BEST2: variants seen among roughly 807,000 people sequenced by gnomAD.
BEST2 encodes bestrophin 2.
Under a neutral mutation model 49.0 loss-of-function variants are expected in BEST2, and 36 were observed. The observed-to-expected ratio is 0.73, with a 90% CI of 0.56 to 0.97. The LOEUF (loss-of-function observed/expected upper bound fraction) is 0.97, where lower values mean the gene tolerates loss of function less well. Among genes scored for constraint, BEST2 ranks in the 50% least tolerant of loss-of-function variants. BEST2 has a pLI of 0.00. For synonymous variants in BEST2, 335 were observed against 304.4 expected (o/e 1.10, Z -1.05); for missense variants, 672 against 710.0 (o/e 0.95, Z 0.61).
intron 9 of BEST2, among the ~76,000 whole-genome samples, chr19:12,757,265 T>C (rs1353573500): frequency 6.7e-6 from 1 of 150,188 alleles, no homozygotes; most frequent in Non-Finnish European, 1.5e-5. Context: ...ATACAAAAAT[T>C]AGCCGGTGTG....
intron 9 of BEST2, 82 bp from the exon 10 acceptor site, chr19:12,757,569 G>C: frequency 3.5e-6 from 5 of 1,428,910 alleles, no homozygotes; most frequent in Non-Finnish European, 4.7e-6. Context: ...GGTGGGTGGA[G>C]TCAGGGAAAT....
chr19:12,754,435 C>A, intron 3 of BEST2, 117 bp from the exon 4 acceptor site: 1 of 895,822 alleles, frequency 1.1e-6, no homozygotes, highest in Non-Finnish European at 1.6e-6. Context: ...TCAGGTTGGC[C>A]AGCACGCTCG....
chr19:12,755,183 C>T lies in BEST2; in HGVS notation c.636+152C>T. 8.7e-7 allele frequency: 1 copy of T among 1,153,084 alleles called. No individual in the cohort carries two copies. The highest frequency in any genetic ancestry group is 1.2e-6 in the Non-Finnish European group (1 of 825,968). 71.4% of individuals were successfully genotyped at this position (1,153,084 alleles called of 1,614,324 possible). A position where few individuals can be genotyped will look rare whatever the true frequency, so the allele number is the denominator to read the frequency against. On this transcript the variant is annotated intron_variant, in intron 5 of 9. Coordinates refer to ENST00000553030, the MANE Select transcript of BEST2 (RefSeq NM_017682.3). The surrounding 1 kb of genome is among the most constrained non-coding windows in gnomAD (Gnocchi z 4.4). ...TACCTCCATGGGGCTGATTCCAATG[C>T]CCTTGAGGGGCAGCTCCTGGGTGCA...
rs1462868802 is a variant in BEST2, at chr19:12,758,123, A to C, written c.*46A>C. On this transcript the variant is annotated 3_prime_UTR_variant, in exon 10 of 10. Transcript: ENST00000553030. ...TAAGGACAGGGAACCAGGTCCCTGCACGGCACCCACGCAGGTGTCCCGGTC... is the reference window on the plus strand; with the variant it reads ...TAAGGACAGGGAACCAGGTCCCTGCCCGGCACCCACGCAGGTGTCCCGGTC... 2 of 1,586,454 alleles carry C rather than the reference A, an allele frequency of 1.3e-6. No individual in the cohort carries two copies. Among genetic ancestry groups the C allele is most frequent in the Non-Finnish European group, 1.7e-6 (2 of 1,165,826 alleles).
In BEST2 at chr19:12,755,168, G is replaced by C. The variant is rs1967925211; in HGVS notation, c.636+137G>C. On this transcript the variant is annotated intron_variant, in intron 5 of 9. Coordinates refer to ENST00000553030, the MANE Select transcript of BEST2 (RefSeq NM_017682.3). This position sits in a 1 kb window ranked among gnomAD's most constrained non-coding sequence, Gnocchi z 4.4. Reference sequence around the variant, plus strand: ...CACCAGGTGCACTCTTACCTCCATGGGGCTGATTCCAATGCCCTTGAGGGG... The same window carrying C: ...CACCAGGTGCACTCTTACCTCCATGCGGCTGATTCCAATGCCCTTGAGGGG... The C allele has an allele frequency of 8.2e-7, 1 of 1,214,974 alleles. No individual in the cohort carries two copies. The highest frequency in any genetic ancestry group is 1.5e-5 in the African/African-American group (1 of 65,240). The allele number at this position is 1,214,974 out of a possible 1,614,324, so 75.3% of individuals were successfully genotyped here.
At position 12,754,534 on chromosome 19, in the gene BEST2, T is replaced by A; in HGVS notation, c.248-18T>A. 1.4e-6 allele frequency: 2 copies of A among 1,454,840 alleles called. No homozygotes were observed. Among genetic ancestry groups the A allele is most frequent in the Non-Finnish European group, 1.8e-6 (2 of 1,088,500 alleles). 90.1% of individuals were successfully genotyped at this position (1,454,840 alleles called of 1,614,324 possible). On this transcript the variant is annotated intron_variant, in intron 3 of 9. Coordinates refer to ENST00000553030, the MANE Select transcript of BEST2 (RefSeq NM_017682.3). Reference sequence around the variant, plus strand: ...CCCTGGTGTCCCCACTGAGCCCCCATTCCCCGCTCCCCTGCAGGCTTTTAT... The same window carrying A: ...CCCTGGTGTCCCCACTGAGCCCCCAATCCCCGCTCCCCTGCAGGCTTTTAT...
chr19:12,755,117 C>T lies in BEST2; in HGVS notation c.636+86C>T. The T allele has an allele frequency of 6.8e-7, 1 of 1,460,284 alleles. No homozygotes were observed. The highest frequency in any genetic ancestry group is 9.1e-7 in the Non-Finnish European group (1 of 1,097,012). The allele number at this position is 1,460,284 out of a possible 1,614,324, so 90.5% of individuals were successfully genotyped here. A position where few individuals can be genotyped will look rare whatever the true frequency, so the allele number is the denominator to read the frequency against. ...TGTCAACGGCGGCCCTCCAAGCACC[C>T]CCACGAGGCCGATTTCAAACACCCT... On this transcript the variant is annotated intron_variant, in intron 5 of 9. Transcript: ENST00000553030. The surrounding 1 kb of genome is among the most constrained non-coding windows in gnomAD (Gnocchi z 4.4).
At position 12,754,902 on chromosome 19, in the gene BEST2, G is replaced by A. The variant is rs930840027; in HGVS notation, c.507G>A (p.Lys169=). 1 of 1,613,550 alleles carries A rather than the reference G, an allele frequency of 6.2e-7. No homozygotes were observed. The highest frequency in any genetic ancestry group is 8.5e-7 in the Non-Finnish European group (1 of 1,179,778). Residue 169 remains lysine (K), a synonymous_variant, in exon 5 of 10, where the codon AAG becomes AAA. Coordinates refer to ENST00000553030, the MANE Select transcript of BEST2 (RefSeq NM_017682.3). The part of the protein sequence containing the change: ...EAGFMTREER[K]KFENLNSSYN... ...GGTTTATGACCCGCGAGGAGCGCAA[G>A]AAGTTTGAAAACCTGAACTCATCCT...
chr19:12,754,821 C>T, intron 4 of BEST2, 36 bp downstream of exon 4: 1 of 1,584,980 alleles, frequency 6.3e-7, no homozygotes, highest in Non-Finnish European at 8.6e-7. Context: ...AGAGACCGGG[C>T]AAGGACCAGG....
In BEST2 at chr19:12,757,973, G is replaced by T; in HGVS notation, c.1426G>T (p.Gly476Trp). Residue 476 changes from glycine (G) to tryptophan (W), a missense_variant, in exon 10 of 10, where the codon GGG becomes TGG. Physicochemically the swap from Gly to Trp is radical, Grantham distance 184. Around this residue, in one of 3 missense-constraint regions of BEST2, gnomAD observed 291 missense variants for 279.8 expected, o/e 1.04. Transcript: ENST00000553030. ...TCCCGAACCGCTTACCCTCATCCCT[G>T]GGCCTGTCGAGCCCTTCAGCATCGT... The part of the protein sequence containing the change: ...AGPEPLTLIP[G>W]PVEPFSIVTM... 6.2e-7 allele frequency: 1 copy of T among 1,609,858 alleles called. No individual in the cohort carries two copies.
chr19:12,756,227 C>T lies in BEST2; in HGVS notation c.1035C>T (p.Ala345=). 3.1e-6 allele frequency: 5 copies of T among 1,614,208 alleles called. 1 individual carries two copies. The Middle Eastern group carries it at 6.6e-4, about 213-fold the overall frequency. Residue 345 remains alanine (A), a synonymous_variant, in exon 9 of 10, where the codon GCC becomes GCT. Coordinates refer to ENST00000553030, the MANE Select transcript of BEST2 (RefSeq NM_017682.3). Reference sequence around the variant, plus strand: ...ACTGGGATGCAGCCGAGGCTCGCGCCCCATACACAGCGGCTACTGTCTTCC... The same window carrying T: ...ACTGGGATGCAGCCGAGGCTCGCGCTCCATACACAGCGGCTACTGTCTTCC... ...DLYWDAAEAR[A]PYTAATVFQL...
chr19:12,756,296 G>A lies in BEST2; in HGVS notation c.1103+1G>A, dbSNP rs768745927. The A allele has an allele frequency of 9.3e-6, 15 of 1,612,658 alleles. No homozygotes were observed. Among genetic ancestry groups the A allele is most frequent in the East Asian group, 2.2e-5 (1 of 44,888 alleles). On this transcript the variant is annotated splice_donor_variant, in intron 9 of 9. Transcript: ENST00000553030. LOFTEE classifies it high-confidence loss of function. Reference sequence around the variant, plus strand: ...TCCAGGGCTCCACCTTTGACATCACGTGAGCCAGTTGGGTGGGCAGGGCCG... The same window carrying A: ...TCCAGGGCTCCACCTTTGACATCACATGAGCCAGTTGGGTGGGCAGGGCCG...
At chr19:12,756,386 T>C (rs1347774908) in intron 9 of BEST2, 91 bp downstream of exon 9, 1 of 1,494,432 alleles carries the variant, frequency 6.7e-7, no homozygotes, top group East Asian at 2.3e-5. Context: ...GAATCAATTC[T>C]GGAGATGGGG....
At position 12,757,854 on chromosome 19, in the gene BEST2, CG is replaced by C; in HGVS notation, c.1309del (p.Val437LeufsTer48). ...TCTACTGGGGCCAGCTGCTCATGCG[CG>C]GTTGTCCCCGAAGGCGCGGCCCCGG... Reference protein sequence around the residue: ...EASTGASCSCAVVPEGAAPEC... With the variant: ...EASTGASCSCXVVPEGAAPEC... On this transcript the variant is annotated frameshift_variant, in exon 10 of 10. Transcript: ENST00000553030. LOFTEE classifies it low-confidence loss of function (END_TRUNC). 6.5e-7 allele frequency: 1 copy of C among 1,549,176 alleles called. No homozygotes were observed. Among genetic ancestry groups the C allele is most frequent in the Non-Finnish European group, 8.7e-7 (1 of 1,146,788 alleles).
rs1271383213 is a variant in BEST2, at chr19:12,756,284, C to G, written c.1092C>G (p.Thr364=). 1.1e-5 allele frequency: 18 copies of G among 1,613,118 alleles called. No homozygotes were observed. Among genetic ancestry groups the G allele is most frequent in the Non-Finnish European group, 1.4e-5 (16 of 1,180,032 alleles). Residue 364 remains threonine, a synonymous_variant, in exon 9 of 10, where the codon ACC becomes ACG. Transcript: ENST00000553030. ...QLRQPSFQGS[T]FDITLAKEDM... ...GGCAGCCTTCCTTCCAGGGCTCCACCTTTGACATCACGTGAGCCAGTTGGG... is the reference window on the plus strand; with the variant it reads ...GGCAGCCTTCCTTCCAGGGCTCCACGTTTGACATCACGTGAGCCAGTTGGG...
Position 12,755,663 on chromosome 19 carries a change from C to A in BEST2, c.763C>A (p.Arg255Ser). Residue 255 changes from arginine to serine, a missense_variant, in exon 7 of 10, where the codon CGC becomes AGC. Coordinates refer to ENST00000553030, the MANE Select transcript of BEST2 (RefSeq NM_017682.3). This position sits in a 1 kb window ranked among gnomAD's most constrained non-coding sequence, Gnocchi z 4.4. ...CTACTTCCTGGCTTGCCTCATTGGT[C>A]GCCAGTTCCTGGACCCGGCTCAGGG... is the stretch of plus-strand genomic sequence containing the variant. ...YSYFLACLIG[R>S]QFLDPAQGYK... 1.2e-6 allele frequency: 2 copies of A among 1,614,044 alleles called. No homozygotes were observed. The highest frequency in any genetic ancestry group is 2.2e-5 in the South Asian group (2 of 91,076).
Position 12,754,651 on chromosome 19 carries a change from G to T in BEST2, c.347G>T (p.Gly116Val). The change falls in exon 4 of 10, where the codon GGA becomes GTA. Residue 116 changes from glycine to valine, a missense_variant. By Grantham distance (109) the Gly-to-Val change is moderately radical (BLOSUM62 -3). Around this residue, in one of 3 missense-constraint regions of BEST2, gnomAD observed 365 missense variants for 390.9 expected, o/e 0.93. Coordinates refer to ENST00000553030, the MANE Select transcript of BEST2 (RefSeq NM_017682.3). ...LMCVVAGTVH[G>V]RDDRGRLYRR... Reference sequence around the variant, plus strand: ...TGCGTGGTGGCGGGCACCGTGCACGGACGCGACGACCGCGGCCGCCTCTAC... The same window carrying T: ...TGCGTGGTGGCGGGCACCGTGCACGTACGCGACGACCGCGGCCGCCTCTAC... 6.4e-7 allele frequency: 1 copy of T among 1,560,040 alleles called. No homozygotes were observed. Among genetic ancestry groups the T allele is most frequent in the Non-Finnish European group, 8.7e-7 (1 of 1,151,676 alleles).
At chr19:12,756,778 C>G (rs574867719) in intron 9 of BEST2, 1 of 174,458 alleles carries the variant, frequency 5.7e-6, no homozygotes, top group Admixed American at 5.5e-5. Context: ...TCGAGGAGTT[C>G]GAGGCTGCAG....
In BEST2 at chr19:12,757,732, G is replaced by C; in HGVS notation, c.1185G>C (p.Gln395His). The change falls in exon 10 of 10, where the codon CAG (glutamine) becomes CAC (histidine). Residue 395 changes from glutamine to histidine, a missense_variant. Transcript: ENST00000553030. The stretch of plus-strand genomic sequence containing the variant: ...GAGAGGCGCCCGGCGACTTCCTGCA[G>C]CGCCTCCTGCCGGCGGGCGCGGGCA... ...PMGEAPGDFL[Q>H]RLLPAGAGMV... 1 of 1,544,640 alleles carries C rather than the reference G, an allele frequency of 6.5e-7. No homozygotes were observed. The highest frequency in any genetic ancestry group is 8.7e-7 in the Non-Finnish European group (1 of 1,146,882).
Sources: gnomAD v4.1 joint callset for allele counts (sites outside exome capture counted in the v4.1 genomes callset) on GRCh38, gnomAD v4.1.1 for gene constraint, gnomAD v4.1.1 regional missense constraint, Gnocchi (gnomAD v3.1) non-coding constraint, MANE v1.5 for transcripts, NCBI Gene and HGNC (gene_info 2026-07-23, HGNC 2026-07-21) for gene names.